The following ZBTB20 variants were observed in gnomAD, a reference collection of about 807,000 sequenced individuals.
ZBTB20 encodes the protein zinc finger and BTB domain-containing protein 20.
In ZBTB20, 9 loss-of-function variants were observed where a neutral mutation model predicts 56.9. That is an observed-to-expected ratio of 0.16 (90% CI 0.10 to 0.28). The LOEUF (loss-of-function observed/expected upper bound fraction) is 0.28, where lower values mean the gene tolerates loss of function less well. ZBTB20 is among the 10% of genes least tolerant of loss of function. ZBTB20 has a pLI of 1.00. For synonymous variants in ZBTB20, 417 were observed against 420.7 expected, an observed-to-expected ratio of 0.99 and a Z score of 0.11; for missense variants, 655 against 1,003.0, an observed-to-expected ratio of 0.65 and a Z score of 4.69.
intron 2 of ZBTB20, among the ~76,000 whole-genome samples, chr3:114,999,140 G>C (rs1221881720): frequency 7.0e-6 from 1 of 142,640 alleles, no homozygotes. Flanking sequence ...GAGGAAGGGG[G>C]AAAGGGAGAG....
intron 4 of ZBTB20, among the ~76,000 whole-genome samples, chr3:114,880,695 G>A (rs1230978490): frequency 1.3e-5 from 2 of 151,996 alleles, no homozygotes; most frequent in African/African-American, 4.8e-5. Context: ...TTAGAGATCA[G>A]CTAGGTAAAT....
intron 10 of ZBTB20, among the ~76,000 whole-genome samples, chr3:114,352,728 C>T (rs1184123242): frequency 1.3e-5 from 2 of 152,138 alleles, no homozygotes; most frequent in Non-Finnish European, 2.9e-5. Context: ...GCAGTTCTGA[C>T]CCAGGAGACT....
At chr3:115,030,592 G>A (rs544415427) in intron 2 of ZBTB20, among the ~76,000 whole-genome samples, 7 of 150,860 alleles carry the variant, frequency 4.6e-5, no homozygotes, top group Non-Finnish European at 1.0e-4. Context: ...ACATCAATAG[G>A]GAGACAAACA....
intron 2 of ZBTB20, among the ~76,000 whole-genome samples, chr3:115,041,934 A>C (rs1231932697): frequency 6.6e-6 from 1 of 152,120 alleles, no homozygotes; most frequent in Non-Finnish European, 1.5e-5. Context: ...TATGAGAATA[A>C]AGTTTTCCTT....
At chr3:114,345,866 T>C (rs2080143263) in intron 11 of ZBTB20, among the ~76,000 whole-genome samples, 1 of 152,208 alleles carries the variant, frequency 6.6e-6, no homozygotes, top group South Asian at 2.1e-4. Context: ...TCATTTCCAT[T>C]CCTTTATTTG....
At chr3:114,856,827 C>T (rs2075276891) in intron 4 of ZBTB20, among the ~76,000 whole-genome samples, 1 of 152,022 alleles carries the variant, frequency 6.6e-6, no homozygotes, top group Non-Finnish European at 1.5e-5. Context: ...TAATTTGAGA[C>T]AAAGTGACAG....
chr3:114,357,701 C>T (rs1482049449), intron 10 of ZBTB20, among the ~76,000 whole-genome samples: 1 of 152,174 alleles, frequency 6.6e-6, no homozygotes, highest in East Asian at 1.9e-4. Context: ...GAGATTCAGG[C>T]ATCCCTCTTT....
At chr3:114,620,915 T>G (rs937881522) in intron 6 of ZBTB20, among the ~76,000 whole-genome samples, 6 of 152,242 alleles carry the variant, frequency 3.9e-5, no homozygotes, top group African/African-American at 1.4e-4. Flanking sequence ...GGATATGATT[T>G]GGCTGATCTT....
chr3:114,960,181 T>G (rs1403460932), intron 3 of ZBTB20, among the ~76,000 whole-genome samples: 2 of 152,202 alleles, frequency 1.3e-5, no homozygotes, highest in African/African-American at 4.8e-5. Context: ...CAAAAGGCTT[T>G]TGAGAAAGTT....
chr3:114,509,279 T>A (rs1248370137), intron 6 of ZBTB20, among the ~76,000 whole-genome samples: 1 of 152,128 alleles, frequency 6.6e-6, no homozygotes, highest in Non-Finnish European at 1.5e-5. Flanking sequence ...CACAACTTGC[T>A]CTCAGTTTGC....
At chr3:114,462,293 T>G (rs923448675) in intron 7 of ZBTB20, among the ~76,000 whole-genome samples, 1 of 152,136 alleles carries the variant, frequency 6.6e-6, no homozygotes, top group Non-Finnish European at 1.5e-5. Flanking sequence ...AGGCTGGAAG[T>G]CTGTAGATGT....
intron 4 of ZBTB20, among the ~76,000 whole-genome samples, chr3:114,893,375 G>A (rs1198736334): frequency 2.6e-5 from 4 of 152,014 alleles, no homozygotes; most frequent in Non-Finnish European, 5.9e-5. Context: ...GACAGTGGGT[G>A]GAAAAAAATC....
At position 114,708,897 on chromosome 3, in the gene ZBTB20, T is replaced by C. The variant is rs575373316; in HGVS notation, c.-342-15322A>G. Among the ~76,000 whole-genome samples, 25 of 152,280 alleles carry C rather than the reference T, an allele frequency of 1.6e-4. 2 individuals are homozygous for C. In the South Asian group the frequency reaches 5.2e-3, roughly 32 times the overall value. On this transcript the variant is annotated intron_variant, in intron 5 of 11. Coordinates refer to ENST00000675478, the MANE Select transcript of ZBTB20 (RefSeq NM_001348800.3). ...TGAACTTTTCCATAATAAAAGCACA[T>C]TTATTTCATAGTAAAATATTACTTA...
At chr3:114,491,376 T>C (rs1475782717) in intron 7 of ZBTB20, among the ~76,000 whole-genome samples, 1 of 152,240 alleles carries the variant, frequency 6.6e-6, no homozygotes, top group African/African-American at 2.4e-5. Context: ...GTCAACTTGC[T>C]GTCCCATTTG....
chr3:114,531,232 A>G (rs2047808018), intron 6 of ZBTB20, among the ~76,000 whole-genome samples: 1 of 152,216 alleles, frequency 6.6e-6, no homozygotes, highest in South Asian at 2.1e-4. Context: ...TTGGTAGATG[A>G]CATCAATTTA....
At chr3:114,444,615 A>G (rs2091149373) in intron 7 of ZBTB20, among the ~76,000 whole-genome samples, 1 of 152,172 alleles carries the variant, frequency 6.6e-6, no homozygotes, top group Admixed American at 6.5e-5. Context: ...TGCCTTGCTC[A>G]TCTTGAAAGC....
At chr3:114,543,413 T>C (rs1401515021) in intron 6 of ZBTB20, among the ~76,000 whole-genome samples, 1 of 152,180 alleles carries the variant, frequency 6.6e-6, no homozygotes, top group East Asian at 1.9e-4. Flanking sequence ...ATGAGATTTC[T>C]CTGAATAGAG....
rs879484181 is a variant in ZBTB20, at chr3:114,325,942, T to C, written c.*13063A>G. 6.6e-6 allele frequency: 1 copy of C among 152,042 alleles called. No homozygotes were observed. The highest frequency in any genetic ancestry group is 1.5e-5 in the Non-Finnish European group (1 of 67,998). The allele number at this position is 152,042 out of a possible 1,614,324, so 9.4% of individuals were successfully genotyped here. Reference sequence around the variant, plus strand: ...GGAGGGGTATAGATGGGTGAAGTACTGGCAATGCAGTGCCAATCTCCCTCT... The same window carrying C: ...GGAGGGGTATAGATGGGTGAAGTACCGGCAATGCAGTGCCAATCTCCCTCT... On this transcript the variant is annotated 3_prime_UTR_variant, in exon 12 of 12. Coordinates refer to ENST00000675478, the MANE Select transcript of ZBTB20 (RefSeq NM_001348800.3).
chr3:114,353,096 T>A lies in ZBTB20; in HGVS notation c.200-1218A>T, dbSNP rs1211587518. On this transcript the variant is annotated intron_variant, in intron 10 of 11. Coordinates refer to ENST00000675478, the MANE Select transcript of ZBTB20 (RefSeq NM_001348800.3). The stretch of plus-strand genomic sequence containing the variant: ...TTTTCTAGCTCATCTCTCAGATGGC[T>A]CTAGAGAATCCCCCTCCAAATAATT... 2.0e-5 allele frequency among the ~76,000 whole-genome samples: 3 copies of A among 152,342 alleles called. No individual in the cohort carries two copies. In the East Asian group the frequency reaches 5.8e-4, roughly 29 times the overall value.
Sources: allele counts gnomAD v4.1 joint callset (sites outside exome capture counted in the v4.1 genomes callset), GRCh38; gene constraint gnomAD v4.1.1; transcripts MANE v1.5; gene names NCBI Gene and HGNC (gene_info 2026-07-23, HGNC 2026-07-21).